NOL4: variants seen among roughly 807,000 people sequenced by gnomAD.
NOL4 encodes cancer/testis antigen 125.
A neutral mutation model predicts 75.9 loss-of-function variants in NOL4; 17 were observed. The ratio of observed to expected loss-of-function variants is 0.22; its 90% confidence interval spans 0.15 to 0.34. The LOEUF is 0.34. Among genes scored for constraint, NOL4 ranks in the 10% least tolerant of loss-of-function variants. The pLI is 1.00. For synonymous variants in NOL4, 292 were observed against 289.9 expected (o/e 1.01, Z -0.07); for missense variants, 614 against 793.5 (o/e 0.77, Z 2.72).
chr18:34,019,691 G>A, intron 5 of NOL4, 90 bp from the exon 6 acceptor site: 1 of 1,156,656 alleles, frequency 8.6e-7, no homozygotes, highest in Non-Finnish European at 1.2e-6. Context: ...CCCATTATAT[G>A]AATGGCATTT....
chr18:33,907,254 T>C (rs997202780), intron 9 of NOL4, among the ~76,000 whole-genome samples: 18 of 134,242 alleles, frequency 1.3e-4, no homozygotes, highest in Admixed American at 2.6e-4. Flanking sequence ...ACCTGGGAGG[T>C]GGAGCTTGCA....
intron 9 of NOL4, among the ~76,000 whole-genome samples, chr18:33,908,006 C>T (rs1776510160): frequency 6.6e-6 from 1 of 152,084 alleles, no homozygotes; most frequent in Non-Finnish European, 1.5e-5. Context: ...CATTTGTTAT[C>T]AACTTTCCCA....
At chr18:33,962,078 C>G (rs569852531) in intron 6 of NOL4, among the ~76,000 whole-genome samples, 2 of 152,044 alleles carry the variant, frequency 1.3e-5, no homozygotes, top group Non-Finnish European at 2.9e-5. Flanking sequence ...TTTGCCTCTA[C>G]GTGAGATGGC....
intron 5 of NOL4, among the ~76,000 whole-genome samples, chr18:34,076,079 C>T (rs952900621): frequency 6.6e-6 from 1 of 152,048 alleles, no homozygotes; most frequent in Non-Finnish European, 1.5e-5. Flanking sequence ...ATGAGAGACA[C>T]TTTAATAGAG....
At chr18:34,177,710 T>C (rs1000799739) in intron 1 of NOL4, among the ~76,000 whole-genome samples, 4 of 151,846 alleles carry the variant, frequency 2.6e-5, no homozygotes, top group Non-Finnish European at 5.9e-5. Flanking sequence ...AGAATGTACA[T>C]AGTCAAAGCA....
Position 33,883,439 on chromosome 18 carries a change from A to G in NOL4, c.1543-15T>C. On this transcript the variant is annotated splice_polypyrimidine_tract_variant and intron_variant, in intron 9 of 10. Transcript: ENST00000261592. Reference sequence around the variant, plus strand: ...GCAGACTCATCCTGCAAGGACAGACAGCATTCCATTATTTATCACCTCACA... The same window carrying G: ...GCAGACTCATCCTGCAAGGACAGACGGCATTCCATTATTTATCACCTCACA... The G allele has an allele frequency of 6.3e-7, 1 of 1,590,864 alleles. No homozygotes were observed. The highest frequency in any genetic ancestry group is 8.5e-7 in the Non-Finnish European group (1 of 1,171,644).
At chr18:34,122,657 T>A (rs963679209) in intron 2 of NOL4, among the ~76,000 whole-genome samples, 3 of 152,154 alleles carry the variant, frequency 2.0e-5, no homozygotes, top group African/African-American at 7.2e-5. Context: ...AGATTTAAAC[T>A]CAAGTCTAGT....
chr18:34,063,568 G>A (rs1002797469), intron 5 of NOL4, among the ~76,000 whole-genome samples: 12 of 151,928 alleles, frequency 7.9e-5, no homozygotes, highest in South Asian at 2.1e-4. Context: ...TGAGGTTTTC[G>A]CTCTTGCACT....
At chr18:33,974,451 A>G (rs554074927) in intron 6 of NOL4, among the ~76,000 whole-genome samples, 1 of 152,284 alleles carries the variant, frequency 6.6e-6, no homozygotes, top group South Asian at 2.1e-4. Context: ...AATTTTCTTC[A>G]GAAGGCTCAA....
At chr18:34,034,110 C>T (rs2075772495) in intron 5 of NOL4, among the ~76,000 whole-genome samples, 1 of 152,280 alleles carries the variant, frequency 6.6e-6, no homozygotes, top group Admixed American at 6.5e-5. Flanking sequence ...AACTAATACT[C>T]ACTGGTAAAG....
At chr18:33,858,635 C>T (rs1178579161) in intron 10 of NOL4, among the ~76,000 whole-genome samples, 1 of 151,990 alleles carries the variant, frequency 6.6e-6, no homozygotes, top group East Asian at 1.9e-4. Context: ...TATAATTTGC[C>T]TTTCTAATAC....
intron 1 of NOL4, among the ~76,000 whole-genome samples, chr18:34,194,492 GA>G (rs1370263850): frequency 6.6e-6 from 1 of 151,124 alleles, no homozygotes; most frequent in African/African-American, 2.4e-5. Flanking sequence ...AGGCAGGCGA[GA>G]AAAGAATGAA....
chr18:33,896,024 C>T (rs72955225), intron 9 of NOL4, among the ~76,000 whole-genome samples: 1 of 151,838 alleles, frequency 6.6e-6, no homozygotes, highest in East Asian at 1.9e-4. Context: ...AACCAAGAAC[C>T]AAATCAGAAA....
chr18:33,985,363 A>T (rs572914043), intron 6 of NOL4, among the ~76,000 whole-genome samples: 1 of 152,132 alleles, frequency 6.6e-6, no homozygotes, highest in African/African-American at 2.4e-5. Flanking sequence ...TGATAGGCAC[A>T]TAATTGTGAG....
chr18:34,128,922 ATAT>A, intron 2 of NOL4: 5 of 869,412 alleles, frequency 5.8e-6, no homozygotes, highest in Non-Finnish European at 4.1e-6. Context: ...CTGATATTGT[ATAT>A]CAATATAGCT....
chr18:33,990,053 T>C (rs140336684), intron 6 of NOL4, among the ~76,000 whole-genome samples: 1 of 152,060 alleles, frequency 6.6e-6, no homozygotes, highest in Non-Finnish European at 1.5e-5. Flanking sequence ...GGAAACTATC[T>C]TGTACTAGGG....
rs555609489 is a variant in NOL4, at chr18:34,150,201, T to C, written c.265-20181A>G. ...GTTAGTTACCCTTCAAATATATGAC[T>C]AAGCCTATTACATGAAGAAAATGTT... On this transcript the variant is annotated intron_variant, in intron 1 of 10. Transcript: ENST00000261592. 3.8e-4 allele frequency among the ~76,000 whole-genome samples: 57 copies of C among 151,840 alleles called. No individual in the cohort carries two copies. In the South Asian group the frequency reaches 0.011, roughly 29 times the overall value.
intron 10 of NOL4, among the ~76,000 whole-genome samples, chr18:33,857,797 G>A (rs1275947153): frequency 2.6e-5 from 4 of 152,062 alleles, no homozygotes; most frequent in South Asian, 4.1e-4. Context: ...ACTGCTAATG[G>A]CTCTTTCAAG....
At chr18:33,935,075 G>A (rs1011388913) in intron 9 of NOL4, among the ~76,000 whole-genome samples, 1 of 151,998 alleles carries the variant, frequency 6.6e-6, no homozygotes, top group African/African-American at 2.4e-5. Context: ...ATGTTCGCCA[G>A]GCTGGTCTGG....
Sources: allele counts gnomAD v4.1 joint callset (sites outside exome capture counted in the v4.1 genomes callset), GRCh38; gene constraint gnomAD v4.1.1; transcripts MANE v1.5; gene names NCBI Gene and HGNC (gene_info 2026-07-23, HGNC 2026-07-21).